KCNQ5: variants seen among roughly 807,000 people sequenced by gnomAD.
KCNQ5 encodes potassium voltage-gated channel subfamily KQT member 5.
In KCNQ5, 30 loss-of-function variants were observed where a neutral mutation model predicts 98.2. That is an observed-to-expected ratio of 0.31 (90% CI 0.23 to 0.41). The LOEUF (loss-of-function observed/expected upper bound fraction) is 0.41, where lower values mean the gene tolerates loss of function less well. Among genes scored for constraint, KCNQ5 ranks in the 10% least tolerant of loss-of-function variants. The pLI is 1.00. For missense variants in KCNQ5, 835 were observed against 1,182.5 expected (o/e 0.71, Z 4.31); for synonymous variants, 458 against 449.4 (o/e 1.02, Z -0.24).
intron 1 of KCNQ5, among the ~76,000 whole-genome samples, chr6:72,712,300 A>G (rs1253449765): frequency 2.0e-5 from 3 of 152,288 alleles, no homozygotes; most frequent in East Asian, 3.9e-4. Context: ...ACAGACAGAA[A>G]TTCATAGAGT....
chr6:72,907,481 T>A (rs796842662), intron 1 of KCNQ5, among the ~76,000 whole-genome samples: 2 of 152,162 alleles, frequency 1.3e-5, no homozygotes, highest in South Asian at 4.1e-4. Context: ...TCACATTATT[T>A]TCTCTTTATA....
chr6:72,819,843 A>G (rs752999837), intron 1 of KCNQ5, among the ~76,000 whole-genome samples: 1 of 152,282 alleles, frequency 6.6e-6, no homozygotes, highest in African/African-American at 2.4e-5. Flanking sequence ...TTGTCTGCCT[A>G]TTGCAACAGC....
intron 11 of KCNQ5, 44 bp downstream of exon 11, chr6:73,169,898 G>T: frequency 8.1e-7 from 1 of 1,234,092 alleles, no homozygotes; most frequent in Non-Finnish European, 1.2e-6. Flanking sequence ...ACATACTTAT[G>T]ATTAATTGAA....
At chr6:72,763,855 G>T (rs1247732777) in intron 1 of KCNQ5, among the ~76,000 whole-genome samples, 2 of 151,822 alleles carry the variant, frequency 1.3e-5, no homozygotes, top group African/African-American at 2.4e-5. Flanking sequence ...AAAAAACCTG[G>T]GTTGAATTCT....
intron 1 of KCNQ5, among the ~76,000 whole-genome samples, chr6:72,791,945 G>T (rs1326118706): frequency 3.3e-5 from 5 of 152,240 alleles, no homozygotes; most frequent in African/African-American, 1.2e-4. Context: ...TATTGCATTG[G>T]AGATTAAGTT....
chr6:72,757,646 A>G (rs560540477), intron 1 of KCNQ5, among the ~76,000 whole-genome samples: 23 of 152,250 alleles, frequency 1.5e-4, no homozygotes, highest in African/African-American at 5.3e-4. Flanking sequence ...TATGGTTTCT[A>G]CTGTGTGCTT....
chr6:73,133,684 A>G (rs1339838449), intron 10 of KCNQ5, 43 bp downstream of exon 10: 11 of 1,511,476 alleles, frequency 7.3e-6, no homozygotes, highest in Admixed American at 1.7e-5. Context: ...TGGATAGGCT[A>G]TAGTGAGTGA....
intron 4 of KCNQ5, 113 bp from the exon 5 acceptor site, chr6:73,077,649 A>G: frequency 7.9e-7 from 1 of 1,259,120 alleles, no homozygotes; most frequent in East Asian, 2.4e-5. Flanking sequence ...ATTATTTAAG[A>G]GCCATCATAA....
At chr6:72,627,605 T>G (rs1055897474) in intron 1 of KCNQ5, among the ~76,000 whole-genome samples, 2 of 152,150 alleles carry the variant, frequency 1.3e-5, no homozygotes, top group Non-Finnish European at 2.9e-5. Context: ...TAAATATGAT[T>G]CAAGTGGACT....
At chr6:72,967,331 AG>A (rs1767666824) in intron 1 of KCNQ5, among the ~76,000 whole-genome samples, 2 of 152,208 alleles carry the variant, frequency 1.3e-5, no homozygotes, top group Non-Finnish European at 2.9e-5. Flanking sequence ...TGATCAGTAT[AG>A]TGAAATATAA....
chr6:72,996,842 G>A (rs1406472731), intron 1 of KCNQ5, among the ~76,000 whole-genome samples: 1 of 152,162 alleles, frequency 6.6e-6, no homozygotes, highest in African/African-American at 2.4e-5. Flanking sequence ...AGAATGACAC[G>A]TCAGGACATA....
At chr6:72,747,670 A>G (rs1295980421) in intron 1 of KCNQ5, among the ~76,000 whole-genome samples, 1 of 152,178 alleles carries the variant, frequency 6.6e-6, no homozygotes, top group Non-Finnish European at 1.5e-5. Flanking sequence ...CATAGCATAC[A>G]TTCCTGTCCT....
At chr6:73,120,007 G>A (rs1775679116) in intron 7 of KCNQ5, among the ~76,000 whole-genome samples, 1 of 151,766 alleles carries the variant, frequency 6.6e-6, no homozygotes, top group Non-Finnish European at 1.5e-5. Flanking sequence ...GGAGGCCAAG[G>A]CAGGCGGATC....
At chr6:72,689,547 C>A (rs998724434) in intron 1 of KCNQ5, among the ~76,000 whole-genome samples, 1 of 152,164 alleles carries the variant, frequency 6.6e-6, no homozygotes, top group African/African-American at 2.4e-5. Context: ...ACATTTCAGT[C>A]CCTTTAGAAA....
intron 1 of KCNQ5, among the ~76,000 whole-genome samples, chr6:72,966,423 T>C (rs1211946240): frequency 1.3e-5 from 2 of 148,690 alleles, no homozygotes; most frequent in African/African-American, 4.9e-5. Context: ...AAAAAAATAG[T>C]TGGGCATGGT....
At chr6:72,696,169 G>T (rs1192050518) in intron 1 of KCNQ5, among the ~76,000 whole-genome samples, 3 of 152,110 alleles carry the variant, frequency 2.0e-5, no homozygotes, top group Non-Finnish European at 4.4e-5. Flanking sequence ...ATATCTAAAA[G>T]GTTGTTCGCA....
At chr6:72,768,038 C>T (rs1561970547) in intron 1 of KCNQ5, among the ~76,000 whole-genome samples, 1 of 152,036 alleles carries the variant, frequency 6.6e-6, no homozygotes, top group Admixed American at 6.6e-5. Flanking sequence ...AAAACTTGAA[C>T]ATTAATGTTC....
At chr6:72,860,548 C>T (rs947994758) in intron 1 of KCNQ5, among the ~76,000 whole-genome samples, 26 of 152,110 alleles carry the variant, frequency 1.7e-4, no homozygotes, top group Non-Finnish European at 3.7e-4. Flanking sequence ...GTGGAAAACA[C>T]TTAGTAACAT....
At chr6:73,074,781 G>A (rs939352595) in intron 3 of KCNQ5, among the ~76,000 whole-genome samples, 4 of 148,840 alleles carry the variant, frequency 2.7e-5, no homozygotes, top group Non-Finnish European at 3.0e-5. Context: ...CCTTAGAACT[G>A]AAGAAAATGC....
Sources: gnomAD v4.1 joint callset for allele counts (sites outside exome capture counted in the v4.1 genomes callset) on GRCh38, gnomAD v4.1.1 for gene constraint, MANE v1.5 for transcripts, NCBI Gene and HGNC (gene_info 2026-07-23, HGNC 2026-07-21) for gene names.